FAM135B: variants seen among roughly 807,000 people sequenced by gnomAD.
FAM135B encodes the protein family with sequence similarity 135 member B, also known as protein FAM135B.
A neutral mutation model predicts 127.7 loss-of-function variants in FAM135B; 43 were observed. The observed-to-expected ratio is 0.34, with a 90% CI of 0.26 to 0.43. The LOEUF (loss-of-function observed/expected upper bound fraction) is 0.43. Among genes scored for constraint, FAM135B ranks in the 20% least tolerant of loss-of-function variants. The pLI, the probability that FAM135B is intolerant of heterozygous loss-of-function variation, is 1.00. For missense variants in FAM135B, 1,558 were observed against 1,725.6 expected (o/e 0.90, Z 1.72); for synonymous variants, 670 against 665.1 (o/e 1.01, Z -0.11).
chr8:138,304,072 G>C (rs1826068320), intron 3 of FAM135B, among the ~76,000 whole-genome samples: 1 of 152,164 alleles, frequency 6.6e-6, no homozygotes, highest in African/African-American at 2.4e-5. Flanking sequence ...GACCCAGATG[G>C]GGAATGGAGA....
At chr8:138,142,785 C>G in intron 16 of FAM135B, 1 of 440,174 alleles carries the variant, frequency 2.3e-6, no homozygotes, top group Non-Finnish European at 4.1e-6. Flanking sequence ...AAGACTCTTT[C>G]TACAGAACTA....
intron 1 of FAM135B, among the ~76,000 whole-genome samples, chr8:138,479,541 C>T (rs559899541): frequency 2.6e-5 from 4 of 152,176 alleles, no homozygotes; most frequent in South Asian, 2.1e-4. Flanking sequence ...AAATTATAAA[C>T]GTTTTAGGAG....
chr8:138,142,288 CTTTTTTTTTTTTTT>C (rs71316322), intron 16 of FAM135B, among the ~76,000 whole-genome samples: 24 of 62,396 alleles, frequency 3.8e-4, no homozygotes, highest in East Asian at 2.6e-3. Flanking sequence ...TCTGCTTCTT[CTTTTTTTTTTTTTT>C]TTTTTTTTTT....
At chr8:138,198,561 G>A (rs1816852950) in intron 7 of FAM135B, among the ~76,000 whole-genome samples, 1 of 152,218 alleles carries the variant, frequency 6.6e-6, no homozygotes, top group African/African-American at 2.4e-5. Flanking sequence ...GAAAGAAGTT[G>A]TGAGGTTAAG....
rs140853530 is a variant in FAM135B at position 138,148,521 on chromosome 8, A to T, written c.3447T>A (p.Asp1149Glu). ...IHLVVCVHGL[D>E]GNSADLRLVK... is the part of the protein sequence containing the mutation. Reference sequence around the variant, plus strand: ...AAGAAAACTTGTTTTAGAACTCACCATCCAGGCCATGGACACAGACAACCA... The same window carrying T: ...AAGAAAACTTGTTTTAGAACTCACCTTCCAGGCCATGGACACAGACAACCA... Residue 1149 changes from aspartate (D) to glutamate (E), a missense_variant and splice_region_variant, in exon 14 of 20, where the codon GAT (aspartate) becomes GAA (glutamate). Asp to Glu is a conservative substitution (Grantham distance 45, BLOSUM62 2). Around this residue, in one of 5 missense-constraint regions of FAM135B, gnomAD observed 194 missense variants for 333.8 expected, o/e 0.58. Transcript: ENST00000395297. The T allele has an allele frequency of 6.2e-7, 1 of 1,613,696 alleles. No homozygotes were observed. The highest frequency in any genetic ancestry group is 8.5e-7 in the Non-Finnish European group (1 of 1,179,810).
At chr8:138,201,489 C>T (rs1447519288) in intron 7 of FAM135B, among the ~76,000 whole-genome samples, 1 of 151,988 alleles carries the variant, frequency 6.6e-6, no homozygotes, top group Admixed American at 6.5e-5. Context: ...AACAAAAAAA[C>T]TTCCATTCTT....
intron 2 of FAM135B, among the ~76,000 whole-genome samples, chr8:138,326,464 G>A (rs1325061969): frequency 2.0e-5 from 3 of 152,142 alleles, no homozygotes; most frequent in African/African-American, 7.2e-5. Context: ...CAAGCGACTT[G>A]CACAGCTTGA....
chr8:138,466,786 G>C (rs1837404239), intron 1 of FAM135B, among the ~76,000 whole-genome samples: 3 of 152,202 alleles, frequency 2.0e-5, no homozygotes, highest in Non-Finnish European at 4.4e-5. Flanking sequence ...TAGTTCAGGA[G>C]ATGAGCTAAA....
chr8:138,209,250 C>A (rs1414750410), intron 7 of FAM135B, among the ~76,000 whole-genome samples: 1 of 152,018 alleles, frequency 6.6e-6, no homozygotes, highest in African/African-American at 2.4e-5. Context: ...CACATAATTG[C>A]AGCACAATAT....
At chr8:138,248,260 C>T (rs552651409) in intron 6 of FAM135B, among the ~76,000 whole-genome samples, 6 of 152,318 alleles carry the variant, frequency 3.9e-5, no homozygotes, top group African/African-American at 1.2e-4. Flanking sequence ...TTAATTCCTA[C>T]CCTACACTGG....
At chr8:138,199,226 C>T (rs1182865364) in intron 7 of FAM135B, among the ~76,000 whole-genome samples, 1 of 152,176 alleles carries the variant, frequency 6.6e-6, no homozygotes, top group East Asian at 1.9e-4. Flanking sequence ...CACTATTATA[C>T]CCTCTCTAAC....
Position 138,241,122 on chromosome 8 carries a change from G to A in FAM135B, c.669+1820C>T, listed in dbSNP as rs1421574065. Reference sequence around the variant, plus strand: ...TGAACTGTGATGTAGTCACAGCAAAGGCTTCGGCCGACCACGGGGAGCTTT... The same window carrying A: ...TGAACTGTGATGTAGTCACAGCAAAAGCTTCGGCCGACCACGGGGAGCTTT... On this transcript the variant is annotated intron_variant, in intron 7 of 19. Transcript: ENST00000395297. This position sits in a 1 kb window ranked among gnomAD's most constrained non-coding sequence, Gnocchi z 4.8. Among the ~76,000 whole-genome samples, 1 of 152,166 alleles carries A rather than the reference G, an allele frequency of 6.6e-6. No individual in the cohort carries two copies. The highest frequency in any genetic ancestry group is 2.4e-5 in the African/African-American group (1 of 41,438).
At chr8:138,156,968 C>T (rs556913072) in intron 12 of FAM135B, among the ~76,000 whole-genome samples, 5 of 152,188 alleles carry the variant, frequency 3.3e-5, no homozygotes, top group African/African-American at 1.2e-4. Context: ...CATCCTGATA[C>T]CAAAGCCTGG....
At chr8:138,432,009 T>C (rs902610578) in intron 1 of FAM135B, among the ~76,000 whole-genome samples, 2 of 152,150 alleles carry the variant, frequency 1.3e-5, no homozygotes, top group African/African-American at 2.4e-5. Flanking sequence ...TGTCCTCCCC[T>C]AAACCAGCCA....
intron 11 of FAM135B, among the ~76,000 whole-genome samples, chr8:138,171,579 A>C (rs545331591): frequency 6.6e-6 from 1 of 152,392 alleles, no homozygotes; most frequent in South Asian, 2.1e-4. Context: ...TGACTAAAAC[A>C]TACTTGTTAA....
At chr8:138,224,426 C>T (rs1028462340) in intron 7 of FAM135B, among the ~76,000 whole-genome samples, 1 of 152,000 alleles carries the variant, frequency 6.6e-6, no homozygotes, top group Non-Finnish European at 1.5e-5. Flanking sequence ...GAACCAAGAC[C>T]AAAACATTTT....
At chr8:138,334,443 G>C (rs1828410322) in intron 2 of FAM135B, among the ~76,000 whole-genome samples, 1 of 152,074 alleles carries the variant, frequency 6.6e-6, no homozygotes, top group Non-Finnish European at 1.5e-5. Flanking sequence ...TGTTACACAG[G>C]AAAACTTGTA....
chr8:138,429,714 G>C (rs113482838), intron 1 of FAM135B, among the ~76,000 whole-genome samples: 66 of 152,296 alleles, frequency 4.3e-4, no homozygotes, highest in African/African-American at 1.4e-3. Context: ...CTTACAAGTA[G>C]AACAGCAGAG....
At position 138,163,563 on chromosome 8, in the gene FAM135B, T is replaced by C. The variant is rs188702972; in HGVS notation, c.1258+4332A>G. Among the ~76,000 whole-genome samples the C allele has an allele frequency of 3.3e-5, 5 of 152,222 alleles. No individual in the cohort carries two copies. The East Asian group carries it at 7.7e-4, about 24-fold the overall frequency. ...GTGCTCGTGAATACACCTCACAAGA[T>C]CTGATGGTTTTATAAAGGGAAAACC... On this transcript the variant is annotated intron_variant, in intron 12 of 19. Coordinates refer to ENST00000395297, the MANE Select transcript of FAM135B (RefSeq NM_015912.4).
Sources: allele counts gnomAD v4.1 joint callset (sites outside exome capture counted in the v4.1 genomes callset), GRCh38; gene constraint gnomAD v4.1.1; regional missense constraint gnomAD v4.1.1; non-coding constraint Gnocchi (gnomAD v3.1); transcripts MANE v1.5; gene names NCBI Gene and HGNC (gene_info 2026-07-23, HGNC 2026-07-21).